PDE12: variants seen among roughly 807,000 people sequenced by gnomAD.
The protein encoded by PDE12 is 2',5'-phosphodiesterase 12.
PDE12 carries 26 observed loss-of-function variants against 45.4 expected under a neutral mutation model. The observed-to-expected ratio is 0.57, with a 90% CI of 0.42 to 0.79. The LOEUF (loss-of-function observed/expected upper bound fraction) is 0.79. PDE12 is among the 30% of genes least tolerant of loss of function. PDE12 has a pLI of 0.00. For missense variants in PDE12, 668 were observed against 790.0 expected, an observed-to-expected ratio of 0.85 and a Z score of 1.85; for synonymous variants, 283 against 323.9, an observed-to-expected ratio of 0.87 and a Z score of 1.36.
the PDE12 span, chr3:57,633,414 ACTAT>A: frequency 7.4e-7 from 1 of 1,346,340 alleles, no homozygotes; most frequent in African/African-American, 1.5e-5. Flanking sequence ...ACAATGGATA[ACTAT>A]CAGATTCAAT....
chr3:57,614,476 A>G, the PDE12 span, among the ~76,000 whole-genome samples: 1 of 151,528 alleles, frequency 6.6e-6, no homozygotes, highest in African/African-American at 2.4e-5. Context: ...AGAAGTCATT[A>G]TATAAAAAAG....
the PDE12 span, among the ~76,000 whole-genome samples, chr3:57,591,153 T>C: frequency 6.6e-6 from 1 of 152,168 alleles, no homozygotes. Flanking sequence ...AAAATGGAAA[T>C]GTTTGTCAGG....
At chr3:57,615,204 A>G in the PDE12 span, among the ~76,000 whole-genome samples, 1 of 152,078 alleles carries the variant, frequency 6.6e-6, no homozygotes, top group Non-Finnish European at 1.5e-5. Context: ...GGAAGCCCTT[A>G]TCTTAAATGA....
chr3:57,632,270 C>T, the PDE12 span, among the ~76,000 whole-genome samples: 1 of 151,804 alleles, frequency 6.6e-6, no homozygotes, highest in East Asian at 1.9e-4. Context: ...GTGATCTGCC[C>T]GCCTCAGTCT....
At chr3:57,584,458 A>C in the PDE12 span, 1 of 1,612,822 alleles carries the variant, frequency 6.2e-7, no homozygotes, top group Non-Finnish European at 8.5e-7. Flanking sequence ...AGCAGCATCC[A>C]ATCCAACTAG....
the PDE12 span, among the ~76,000 whole-genome samples, chr3:57,605,802 G>C: frequency 6.6e-6 from 1 of 152,072 alleles, no homozygotes; most frequent in Non-Finnish European, 1.5e-5. Context: ...AGACATGTAA[G>C]ATATTTTTAA....
chr3:57,649,640 AAAT>A, the PDE12 span, among the ~76,000 whole-genome samples: 711 of 147,484 alleles, frequency 4.8e-3, 3 homozygotes, highest in African/African-American at 0.016. Context: ...GAAAAAAAAA[AAAT>A]ATATATATAT....
At position 57,561,977 on chromosome 3, in the gene PDE12, A is replaced by G. The variant is rs2069733285; in HGVS notation, c.*1973A>G. ...ACCAAATTGTGCCTTCCTAAATAAC[A>G]TTTTTGAGAGCATTTTAACAGCAGT... On this transcript the variant is annotated 3_prime_UTR_variant, in exon 3 of 3. Transcript: ENST00000311180. The G allele has an allele frequency of 1.0e-6, 1 of 984,544 alleles. No individual in the cohort carries two copies. The highest frequency in any genetic ancestry group is 1.2e-6 in the Non-Finnish European group (1 of 829,122). 61.0% of individuals were successfully genotyped at this position (984,544 alleles called of 1,614,324 possible). A position where few individuals can be genotyped will look rare whatever the true frequency, so the allele number is the denominator to read the frequency against.
the PDE12 span, among the ~76,000 whole-genome samples, chr3:57,654,462 A>C: frequency 2.0e-5 from 3 of 152,332 alleles, no homozygotes; most frequent in East Asian, 1.9e-4. Context: ...TAGAAAGCCA[A>C]AATAACTTGT....
the PDE12 span, among the ~76,000 whole-genome samples, chr3:57,589,068 C>T: frequency 1.3e-5 from 2 of 150,716 alleles, no homozygotes; most frequent in African/African-American, 2.4e-5. Context: ...CGCCATTACA[C>T]TCCAACCTGG....
chr3:57,617,974 C>T, the PDE12 span, among the ~76,000 whole-genome samples: 7 of 152,082 alleles, frequency 4.6e-5, no homozygotes, highest in Non-Finnish European at 1.0e-4. Context: ...AAAATCGAGT[C>T]CTTCGCAACA....
At chr3:57,581,606 G>C in the PDE12 span, among the ~76,000 whole-genome samples, 1 of 152,144 alleles carries the variant, frequency 6.6e-6, no homozygotes, top group Non-Finnish European at 1.5e-5. Flanking sequence ...ATCGAGACCA[G>C]CCTGGCTAAC....
chr3:57,649,913 G>GTA, the PDE12 span, among the ~76,000 whole-genome samples: 74 of 115,890 alleles, frequency 6.4e-4, no homozygotes, highest in African/African-American at 2.1e-3. Flanking sequence ...CTGACTCTCT[G>GTA]TATATATATA....
chr3:57,634,648 C>A, the PDE12 span: 1 of 1,482,988 alleles, frequency 6.7e-7, no homozygotes, highest in Non-Finnish European at 9.0e-7. Context: ...AGAAGGTAAA[C>A]AAAAAAACCC....
rs771311956 is a variant in PDE12 at position 57,557,704 on chromosome 3, C to T, written c.1308+17C>T. ...GTTCTTCAGGTAAAGTAGTTCCGCC[C>T]GTCTCTTCACATACTGTCCCACTTT... On this transcript the variant is annotated intron_variant, in intron 1 of 2. Coordinates refer to ENST00000311180, the MANE Select transcript of PDE12 (RefSeq NM_177966.7). The T allele has an allele frequency of 5.6e-6, 9 of 1,604,590 alleles. No individual in the cohort carries two copies. Among genetic ancestry groups the T allele is most frequent in the Non-Finnish European group, 7.7e-6 (9 of 1,172,884 alleles).
the PDE12 span, among the ~76,000 whole-genome samples, chr3:57,603,166 CA>C: frequency 6.0e-4 from 84 of 140,024 alleles, 1 homozygote; most frequent in South Asian, 1.8e-3. Flanking sequence ...GACTCCGTCT[CA>C]AAAAAAAAAA....
chr3:57,565,301 A>C lies in PDE12; in HGVS notation c.*5297A>C, dbSNP rs2069773983. The C allele has an allele frequency of 6.6e-6, 1 of 152,170 alleles. No individual in the cohort carries two copies. Among genetic ancestry groups the C allele is most frequent in the Non-Finnish European group, 1.5e-5 (1 of 68,024 alleles). 9.4% of individuals were successfully genotyped at this position (152,170 alleles called of 1,614,324 possible). On this transcript the variant is annotated 3_prime_UTR_variant, in exon 3 of 3. Coordinates refer to ENST00000311180, the MANE Select transcript of PDE12 (RefSeq NM_177966.7). Reference sequence around the variant, plus strand: ...AGCACACATAGCCCTTTTTTTAAAAAAATTAAAAACAAATTTTTTCTCCAG... The same window carrying C: ...AGCACACATAGCCCTTTTTTTAAAACAATTAAAAACAAATTTTTTCTCCAG...
chr3:57,589,723 A>C, the PDE12 span, among the ~76,000 whole-genome samples: 1 of 151,740 alleles, frequency 6.6e-6, no homozygotes, highest in African/African-American at 2.4e-5. Context: ...GTCTCAAAAA[A>C]ACAAACAAAA....
chr3:57,590,669 T>C, the PDE12 span, among the ~76,000 whole-genome samples: 2 of 152,176 alleles, frequency 1.3e-5, no homozygotes, highest in East Asian at 3.8e-4. Flanking sequence ...TAAGTGTGTG[T>C]GTGTACATAT....
Sources: allele counts gnomAD v4.1 joint callset (sites outside exome capture counted in the v4.1 genomes callset), GRCh38; gene constraint gnomAD v4.1.1; transcripts MANE v1.5; gene names NCBI Gene and HGNC (gene_info 2026-07-23, HGNC 2026-07-21).